Variants in TTC7B observed in about 807,000 individuals in gnomAD.
TTC7B encodes tetratricopeptide repeat protein 7B.
TTC7B carries 28 observed loss-of-function variants against 106.8 expected under a neutral mutation model. The observed-to-expected ratio is 0.26, with a 90% CI of 0.19 to 0.36. TTC7B has a LOEUF of 0.36. Ranked by LOEUF, TTC7B falls within the 10% of genes least tolerant of loss-of-function variation. The pLI is 1.00. For synonymous variants in TTC7B, 405 were observed against 430.6 expected, an observed-to-expected ratio of 0.94 and a Z score of 0.74; for missense variants, 862 against 1,076.4, an observed-to-expected ratio of 0.80 and a Z score of 2.79.
intron 7 of TTC7B, among the ~76,000 whole-genome samples, chr14:90,682,087 T>C (rs999012185): frequency 6.6e-6 from 1 of 152,222 alleles, no homozygotes; most frequent in Non-Finnish European, 1.5e-5. Context: ...TGTGGTTACA[T>C]GCAACTAGGA....
In TTC7B at chr14:90,575,879, C is replaced by T. The variant is rs919241334; in HGVS notation, c.2310+2227G>A. Among the ~76,000 whole-genome samples, 4 of 152,108 alleles carry T rather than the reference C, an allele frequency of 2.6e-5. No individual in the cohort carries two copies. Among genetic ancestry groups the T allele is most frequent in the Non-Finnish European group, 4.4e-5 (3 of 67,996 alleles). ...GGTTTTAATAGTTTATTATGATGAC[C>T]CCTCTCTACTGGCAAGATCTCCAAA... On this transcript the variant is annotated intron_variant, in intron 19 of 19. Transcript: ENST00000328459. This position sits in a 1 kb window ranked among gnomAD's most constrained non-coding sequence, Gnocchi z 5.2.
intron 15 of TTC7B, among the ~76,000 whole-genome samples, chr14:90,628,716 G>T: frequency 6.6e-6 from 1 of 152,210 alleles, no homozygotes; most frequent in East Asian, 1.9e-4. Context: ...TGGGCTCCAG[G>T]GCCACATGGG....
chr14:90,619,747 T>C (rs187516021), intron 15 of TTC7B, among the ~76,000 whole-genome samples: 1 of 152,306 alleles, frequency 6.6e-6, no homozygotes, highest in East Asian at 1.9e-4. Context: ...GTTTTCTGGA[T>C]GTGATTTTCT....
chr14:90,696,302 T>G (rs1887744669), intron 5 of TTC7B, among the ~76,000 whole-genome samples: 1 of 152,180 alleles, frequency 6.6e-6, no homozygotes, highest in South Asian at 2.1e-4. Context: ...TGGTCAATAT[T>G]TTCAAGCCCC....
chr14:90,703,197 T>C (rs530017476), intron 5 of TTC7B, among the ~76,000 whole-genome samples: 2 of 152,146 alleles, frequency 1.3e-5, no homozygotes, highest in Non-Finnish European at 2.9e-5. Context: ...AGAACACTGA[T>C]GGGCACAGGC....
chr14:90,815,880 G>A (rs1227008849), intron 1 of TTC7B, among the ~76,000 whole-genome samples: 1 of 151,704 alleles, frequency 6.6e-6, no homozygotes, highest in East Asian at 2.0e-4. Context: ...TCCCAGTGGA[G>A]CAGCGGACTC....
intron 3 of TTC7B, among the ~76,000 whole-genome samples, chr14:90,771,414 C>G (rs899625306): frequency 6.6e-6 from 1 of 152,060 alleles, no homozygotes; most frequent in African/African-American, 2.4e-5. Context: ...TGGGCAACGT[C>G]CAAACCCCAT....
chr14:90,643,069 G>A (rs945668407), intron 15 of TTC7B, among the ~76,000 whole-genome samples: 6 of 152,198 alleles, frequency 3.9e-5, no homozygotes, highest in Non-Finnish European at 5.9e-5. Context: ...ATAGCCCCCT[G>A]AGCAATAATT....
chr14:90,745,850 G>A (rs903577413), intron 3 of TTC7B, among the ~76,000 whole-genome samples: 3 of 151,650 alleles, frequency 2.0e-5, no homozygotes, highest in African/African-American at 4.8e-5. Flanking sequence ...GACTACGGGC[G>A]CATTCCACCA....
intron 19 of TTC7B, among the ~76,000 whole-genome samples, chr14:90,568,293 C>A (rs1890882857): frequency 6.6e-6 from 1 of 152,196 alleles, no homozygotes; most frequent in Non-Finnish European, 1.5e-5. Context: ...AGGCCTGATT[C>A]AAGCTAGGGA....
At chr14:90,610,106 C>T (rs932049835) in intron 17 of TTC7B, among the ~76,000 whole-genome samples, 6 of 152,194 alleles carry the variant, frequency 3.9e-5, no homozygotes, top group African/African-American at 1.2e-4. Flanking sequence ...TATGTTTATG[C>T]AAATATTCCC....
intron 5 of TTC7B, among the ~76,000 whole-genome samples, chr14:90,716,524 T>C (rs1888662697): frequency 6.6e-6 from 1 of 152,252 alleles, no homozygotes; most frequent in African/African-American, 2.4e-5. Flanking sequence ...GTTCATCTTA[T>C]ATCCCCAGAG....
chr14:90,762,026 C>T (rs753901327), intron 3 of TTC7B, among the ~76,000 whole-genome samples: 14 of 152,160 alleles, frequency 9.2e-5, no homozygotes, highest in Non-Finnish European at 1.3e-4. Flanking sequence ...AGAGGCCAAA[C>T]AGGATGGTTT....
At chr14:90,714,274 A>G (rs1350108763) in intron 5 of TTC7B, among the ~76,000 whole-genome samples, 3 of 152,042 alleles carry the variant, frequency 2.0e-5, no homozygotes, top group African/African-American at 7.2e-5. Flanking sequence ...TACGTATTCT[A>G]TGATTACATT....
At chr14:90,633,876 T>C (rs1884808839) in intron 15 of TTC7B, among the ~76,000 whole-genome samples, 2 of 152,106 alleles carry the variant, frequency 1.3e-5, no homozygotes, top group Admixed American at 6.5e-5. Flanking sequence ...TGTTAATTTT[T>C]TTTTTTTTCG....
At chr14:90,671,864 G>A (rs1214357741) in intron 9 of TTC7B, among the ~76,000 whole-genome samples, 1 of 152,212 alleles carries the variant, frequency 6.6e-6, no homozygotes, top group Admixed American at 6.5e-5. Flanking sequence ...AGATGGGAGA[G>A]CAGCCTTCCA....
chr14:90,798,709 CAAAAA>C, intron 1 of TTC7B, among the ~76,000 whole-genome samples: 1 of 52,312 alleles, frequency 1.9e-5, no homozygotes, highest in South Asian at 1.2e-3. Context: ...GACTCCATCT[CAAAAA>C]AAAAAAAAAA....
intron 6 of TTC7B, among the ~76,000 whole-genome samples, chr14:90,693,488 A>G (rs142981712): frequency 2.0e-4 from 31 of 152,278 alleles, no homozygotes; most frequent in Non-Finnish European, 4.3e-4. Flanking sequence ...TGGGTTTGGT[A>G]TGAATCATAA....
intron 7 of TTC7B, among the ~76,000 whole-genome samples, chr14:90,688,222 G>A (rs1025902273): frequency 3.3e-5 from 5 of 152,340 alleles, no homozygotes; most frequent in African/African-American, 4.8e-5. Context: ...CAGAGTGGTG[G>A]CTCATGCCTG....
Sources: allele counts gnomAD v4.1 joint callset (sites outside exome capture counted in the v4.1 genomes callset), GRCh38; gene constraint gnomAD v4.1.1; non-coding constraint Gnocchi (gnomAD v3.1); transcripts MANE v1.5; gene names NCBI Gene and HGNC (gene_info 2026-07-23, HGNC 2026-07-21).